The following CYP4Z1 variants were observed in gnomAD, a reference collection of about 807,000 sequenced individuals.
CYP4Z1 encodes the protein cytochrome P450 4Z1.
CYP4Z1 carries 41 observed loss-of-function variants against 54.2 expected under a neutral mutation model. The observed-to-expected ratio is 0.76, with a 90% CI of 0.59 to 0.98. The LOEUF is 0.98. Ranked by LOEUF, CYP4Z1 falls within the 50% of genes least tolerant of loss-of-function variation. CYP4Z1 has a pLI of 0.00. For missense variants in CYP4Z1, 513 were observed against 599.0 expected (o/e 0.86, Z 1.50); for synonymous variants, 163 against 206.2 (o/e 0.79, Z 1.79).
chr1:47,116,658 C>T lies in CYP4Z1; in HGVS notation c.1275C>T (p.Asn425=), dbSNP rs1644832244. ...CTTCACTCTCATTACAGGTCTTTAACCCCTTGAGATTCTCCAGGGAAAATT... is the reference window on the plus strand; with the variant it reads ...CTTCACTCTCATTACAGGTCTTTAATCCCTTGAGATTCTCCAGGGAAAATT... ...PYFWEDPQVF[N]PLRFSRENSE... Residue 425 remains asparagine (N), a synonymous_variant, in exon 11 of 12, where the codon AAC becomes AAT. Transcript: ENST00000334194. The T allele has an allele frequency of 6.2e-7, 1 of 1,606,364 alleles. No homozygotes were observed. The highest frequency in any genetic ancestry group is 8.5e-7 in the Non-Finnish European group (1 of 1,173,702).
chr1:47,101,451 A>G (rs1464630375), intron 8 of CYP4Z1, among the ~76,000 whole-genome samples: 1 of 152,114 alleles, frequency 6.6e-6, no homozygotes, highest in African/African-American at 2.4e-5. Flanking sequence ...TTGTGTTTCA[A>G]CTTTCATTTG....
intron 9 of CYP4Z1, among the ~76,000 whole-genome samples, chr1:47,110,919 T>C (rs915741846): frequency 1.2e-4 from 18 of 151,714 alleles, no homozygotes; most frequent in African/African-American, 4.1e-4. Flanking sequence ...TAGCTAGCAA[T>C]ATGTGGATTA....
At chr1:47,097,054 CAT>C (rs1451431414) in intron 7 of CYP4Z1, 8 of 151,998 alleles carry the variant, frequency 5.3e-5, no homozygotes, top group African/African-American at 1.9e-4. Flanking sequence ...TAAGTGAGAA[CAT>C]GTGGTATTTG....
the CYP4Z1 span, among the ~76,000 whole-genome samples, chr1:47,061,587 A>G: frequency 6.6e-6 from 1 of 152,276 alleles, no homozygotes; most frequent in South Asian, 2.1e-4. Flanking sequence ...ATTCATAGCC[A>G]TATTCTACCA....
At chr1:47,093,799 G>T (rs1644656864) in intron 6 of CYP4Z1, among the ~76,000 whole-genome samples, 1 of 152,270 alleles carries the variant, frequency 6.6e-6, no homozygotes, top group East Asian at 1.9e-4. Context: ...AGTAGAAAAG[G>T]CACAAAAAGG....
rs754308581 is a variant in CYP4Z1 at position 47,067,663 on chromosome 1, A to G, written c.173A>G (p.Lys58Arg). ...APPAHWFYGH[K>R]EFYPVKEFEV... is the part of the protein sequence containing the mutation. ...CCTGCCCACTGGTTCTATGGCCACA[A>G]GGAGGTAAGAGGAGAAAATTAGTTG... Residue 58 changes from lysine (K) to arginine (R), a missense_variant, in exon 1 of 12, where the codon AAG becomes AGG. By Grantham distance (26) the Lys-to-Arg change is conservative. Transcript: ENST00000334194. 3 of 1,594,382 alleles carry G rather than the reference A, an allele frequency of 1.9e-6. No individual in the cohort carries two copies. The highest frequency in any genetic ancestry group is 1.7e-5 in the Admixed American group (1 of 57,888).
rs781006954 is a variant in CYP4Z1, at chr1:47,094,594, T to G, written c.801T>G (p.Ser267=). Residue 267 remains serine (S), a synonymous_variant, in exon 7 of 12, where the codon TCT becomes TCG. Transcript: ENST00000334194. ...TEKVIQDRKE[S]LKDKLKQDTT... ...AAGTAATCCAGGACCGGAAGGAGTCTCTTAAGGATAAGCTAAAACAAGATA... is the reference window on the plus strand; with the variant it reads ...AAGTAATCCAGGACCGGAAGGAGTCGCTTAAGGATAAGCTAAAACAAGATA... 6.2e-7 allele frequency: 1 copy of G among 1,604,278 alleles called. No individual in the cohort carries two copies. The highest frequency in any genetic ancestry group is 8.5e-7 in the Non-Finnish European group (1 of 1,176,968).
At chr1:47,056,033 T>A in the CYP4Z1 span, among the ~76,000 whole-genome samples, 1 of 152,232 alleles carries the variant, frequency 6.6e-6, no homozygotes, top group Admixed American at 6.5e-5. Flanking sequence ...TTTATATCTT[T>A]CCTGCTTTCT....
intron 2 of CYP4Z1, among the ~76,000 whole-genome samples, chr1:47,070,343 C>T (rs1429992540): frequency 8.7e-6 from 1 of 114,442 alleles, no homozygotes; most frequent in Non-Finnish European, 1.7e-5. Flanking sequence ...TTTAAGTATA[C>T]AATTTAATGG....
At chr1:47,079,248 G>C (rs752348125) in intron 2 of CYP4Z1, among the ~76,000 whole-genome samples, 56 of 152,114 alleles carry the variant, frequency 3.7e-4, no homozygotes, top group Non-Finnish European at 5.0e-4. Flanking sequence ...AGAGGGATGT[G>C]GGGCAAGGCT....
chr1:47,116,694 A>G lies in CYP4Z1; in HGVS notation c.1311A>G (p.Ile437Met), dbSNP rs531603801. 1.2e-4 allele frequency: 200 copies of G among 1,612,322 alleles called. 1 individual carries two copies. The East Asian group carries it at 3.9e-3, about 32-fold the overall frequency. ...TCTCCAGGGAAAATTCTGAAAAAAT[A>G]CATCCCTATGCCTTCATACCATTCT... ...LRFSRENSEK[I>M]HPYAFIPFSA... is the part of the protein sequence containing the mutation. Residue 437 changes from isoleucine (I) to methionine (M), a missense_variant, in exon 11 of 12, where the codon ATA (isoleucine) becomes ATG (methionine). Ile to Met is a conservative substitution (Grantham distance 10). Transcript: ENST00000334194.
intron 9 of CYP4Z1, among the ~76,000 whole-genome samples, chr1:47,113,932 T>A: frequency 6.6e-6 from 1 of 152,234 alleles, no homozygotes; most frequent in East Asian, 1.9e-4. Flanking sequence ...CTTCACAGAA[T>A]TGGAAAAAAC....
chr1:47,086,826 T>G (rs1320972230), intron 6 of CYP4Z1, among the ~76,000 whole-genome samples: 4 of 152,258 alleles, frequency 2.6e-5, no homozygotes, highest in East Asian at 1.9e-4. Context: ...TATGGTTTTA[T>G]GTCTAACATT....
intron 9 of CYP4Z1, among the ~76,000 whole-genome samples, chr1:47,113,856 A>C (rs967895786): frequency 2.6e-5 from 4 of 152,210 alleles, no homozygotes; most frequent in African/African-American, 4.8e-5. Context: ...ATATCGTGAA[A>C]ATGGCCATAC....
At chr1:47,062,483 T>C (rs906935378), upstream of CYP4Z1, among the ~76,000 whole-genome samples, 1 of 152,154 alleles carries the variant, frequency 6.6e-6, no homozygotes, top group African/African-American at 2.4e-5. Flanking sequence ...AATAGACTCA[T>C]TGCAGCTGGG....
chr1:47,064,959 T>C (rs1330008259), upstream of CYP4Z1, among the ~76,000 whole-genome samples: 2 of 152,220 alleles, frequency 1.3e-5, 1 homozygote, highest in Non-Finnish European at 2.9e-5. Context: ...AGGGACATTA[T>C]ATAATGATAA....
intron 4 of CYP4Z1, 89 bp downstream of exon 4, chr1:47,082,550 C>T: frequency 2.0e-6 from 3 of 1,528,564 alleles, no homozygotes; most frequent in Middle Eastern, 1.9e-4. Flanking sequence ...TCCCTCAGAA[C>T]CATGTTCACA....
In CYP4Z1 at chr1:47,109,410, C is replaced by T. The variant is rs1244843221; in HGVS notation, c.1201+3149C>T. On this transcript the variant is annotated intron_variant, in intron 9 of 11. Coordinates refer to ENST00000334194, the MANE Select transcript of CYP4Z1 (RefSeq NM_178134.3). ...GTTTAGAAATTGTGGTCTTAATAAG[C>T]TTAGTAAGGCTGAGCTACTTTAGGA... 3.3e-5 allele frequency among the ~76,000 whole-genome samples: 5 copies of T among 152,138 alleles called. No homozygotes were observed. In the East Asian group the frequency reaches 9.6e-4, roughly 29 times the overall value.
chr1:47,086,858 A>T (rs551164122), intron 6 of CYP4Z1, among the ~76,000 whole-genome samples: 8,140 of 152,194 alleles, frequency 0.053, 596 homozygotes, highest in African/African-American at 0.16. Flanking sequence ...TCCATCTTGA[A>T]TTAATTTTTG....
Sources: allele counts gnomAD v4.1 joint callset (sites outside exome capture counted in the v4.1 genomes callset), GRCh38; gene constraint gnomAD v4.1.1; transcripts MANE v1.5; gene names NCBI Gene and HGNC (gene_info 2026-07-23, HGNC 2026-07-21).